Variants in NGLY1 observed in about 807,000 individuals in gnomAD.
NGLY1 encodes the protein N-glycanase 1, also known as peptide-N(4)-(N-acetyl-beta-glucosaminyl)asparagine amidase.
In NGLY1, 68 loss-of-function variants were observed where a neutral mutation model predicts 84.6. That is an observed-to-expected ratio of 0.80 (90% CI 0.66 to 0.98). The LOEUF (loss-of-function observed/expected upper bound fraction) is 0.98, where lower values mean the gene tolerates loss of function less well. NGLY1 is among the 50% of genes least tolerant of loss of function. The pLI is 0.00. For synonymous variants in NGLY1, 280 were observed against 275.2 expected (o/e 1.02, Z -0.17); for missense variants, 779 against 770.2 (o/e 1.01, Z -0.14).
intron 3 of NGLY1, among the ~76,000 whole-genome samples, chr3:25,760,466 T>G (rs1707254825): frequency 6.6e-6 from 1 of 152,204 alleles, no homozygotes; most frequent in African/African-American, 2.4e-5. Flanking sequence ...TGTAATCCCC[T>G]ATCAGAGGGC....
intron 3 of NGLY1, chr3:25,755,086 A>G (rs931362847): frequency 3.7e-5 from 53 of 1,445,926 alleles, no homozygotes; most frequent in Non-Finnish European, 4.4e-5. Context: ...TGGATGATGC[A>G]AAAATTTATT....
At chr3:25,750,984 G>A (rs1575634718) in intron 4 of NGLY1, 114 bp downstream of exon 4, 2 of 1,007,944 alleles carry the variant, frequency 2.0e-6, no homozygotes, top group Non-Finnish European at 2.8e-6. Flanking sequence ...CCACATATAA[G>A]TGGACCCATG....
intron 3 of NGLY1, among the ~76,000 whole-genome samples, chr3:25,756,110 G>C (rs1707020762): frequency 6.6e-6 from 1 of 152,082 alleles, no homozygotes; most frequent in Non-Finnish European, 1.5e-5. Context: ...TCTCAATTTA[G>C]GAAACATTTT....
At chr3:25,774,864 A>C (rs1177128784) in intron 2 of NGLY1, among the ~76,000 whole-genome samples, 2 of 152,142 alleles carry the variant, frequency 1.3e-5, no homozygotes, top group Non-Finnish European at 2.9e-5. Flanking sequence ...TGCAAGTTTC[A>C]TTCTCCCTGT....
intron 2 of NGLY1, among the ~76,000 whole-genome samples, chr3:25,770,035 T>TG (rs1427501212): frequency 1.4e-4 from 21 of 152,098 alleles, no homozygotes; most frequent in African/African-American, 4.6e-4. Context: ...GAACATATAA[T>TG]GTTTGGTTTT....
Position 25,783,353 on chromosome 3 carries a change from G to A in NGLY1, c.38C>T (p.Ala13Val), listed in dbSNP as rs752321437. The change falls in exon 1 of 12, where the codon GCG (alanine) becomes GTG (valine). Residue 13 changes from alanine to valine, a missense_variant. Physicochemically the swap from Ala to Val is moderately conservative, Grantham distance 64 (BLOSUM62 0). Transcript: ENST00000280700. The surrounding 1 kb of genome is among the most constrained non-coding windows in gnomAD (Gnocchi z 4.5). ...AAALGSSSGS[A>V]SPAVAELCQN... The stretch of plus-strand genomic sequence containing the variant: ...GCAGAGCTCAGCCACGGCCGGGGAC[G>A]CCGAGCCTGAGGAGCTGCCCAATGC... 5.1e-6 allele frequency: 8 copies of A among 1,569,288 alleles called. No individual in the cohort carries two copies. In the South Asian group the frequency reaches 8.1e-5, roughly 16 times the overall value.
chr3:25,750,862 T>C (rs1008273303), intron 4 of NGLY1, among the ~76,000 whole-genome samples: 6 of 152,130 alleles, frequency 3.9e-5, no homozygotes, highest in Non-Finnish European at 8.8e-5. Context: ...TATACCAGAA[T>C]CCACACATAC....
chr3:25,746,342 C>A (rs1402592964), intron 4 of NGLY1, among the ~76,000 whole-genome samples: 3 of 152,010 alleles, frequency 2.0e-5, no homozygotes, highest in Non-Finnish European at 4.4e-5. Flanking sequence ...ATTTTCACTA[C>A]TAATCTGCTG....
At chr3:25,788,315 T>C (rs1450287635), upstream of NGLY1, among the ~76,000 whole-genome samples, 1 of 152,228 alleles carries the variant, frequency 6.6e-6, no homozygotes, top group Non-Finnish European at 1.5e-5. Context: ...ATTGGAAAGA[T>C]AGTTTTGAAT....
chr3:25,719,317 T>G lies in NGLY1; in HGVS notation c.*143A>C, dbSNP rs1437197001. 2.4e-5 allele frequency: 13 copies of G among 550,156 alleles called. No homozygotes were observed. The highest frequency in any genetic ancestry group is 3.5e-5 in the Non-Finnish European group (11 of 312,990). 34.1% of individuals were successfully genotyped at this position (550,156 alleles called of 1,614,324 possible). ...ATTATAGTCCACGTATAAAGATAAT[T>G]TTCATGAGGGTTACATGATGGATAG... On this transcript the variant is annotated 3_prime_UTR_variant, in exon 12 of 12. Coordinates refer to ENST00000280700, the MANE Select transcript of NGLY1 (RefSeq NM_018297.4).
intron 10 of NGLY1, among the ~76,000 whole-genome samples, chr3:25,727,595 G>A (rs1360302828): frequency 6.6e-6 from 1 of 152,152 alleles, no homozygotes; most frequent in African/African-American, 2.4e-5. Context: ...ATAGCACTCT[G>A]CATCATGGTT....
chr3:25,722,465 T>A (rs2125447336), intron 10 of NGLY1, among the ~76,000 whole-genome samples: 1 of 152,316 alleles, frequency 6.6e-6, no homozygotes, highest in East Asian at 1.9e-4. Context: ...AATAGTATTC[T>A]AATCACCATC....
chr3:25,732,078 C>T (rs1250836547), intron 9 of NGLY1, among the ~76,000 whole-genome samples: 2 of 152,040 alleles, frequency 1.3e-5, no homozygotes, highest in South Asian at 2.1e-4. Context: ...TTACACTGCA[C>T]TAAAAATTTA....
At chr3:25,768,851 A>G (rs1575656174) in intron 2 of NGLY1, among the ~76,000 whole-genome samples, 1 of 151,884 alleles carries the variant, frequency 6.6e-6, no homozygotes, top group Admixed American at 6.6e-5. Context: ...CTCATGAGTA[A>G]GACTTTAAGA....
intron 10 of NGLY1, among the ~76,000 whole-genome samples, chr3:25,721,748 CAAAAAAAAAAAAAA>C (rs59028606): frequency 2.0e-5 from 1 of 50,704 alleles, no homozygotes; most frequent in African/African-American, 8.8e-5. Flanking sequence ...GACTCCATCT[CAAAAAAAAAAAAAA>C]AAAAAAAAAA....
upstream of NGLY1, among the ~76,000 whole-genome samples, chr3:25,786,916 G>A (rs2125335762): frequency 6.6e-6 from 1 of 152,330 alleles, no homozygotes; most frequent in East Asian, 1.9e-4. Context: ...CATTCATCAT[G>A]TATTTATGAA....
At chr3:25,789,556 A>G (rs1708676833) in intron 1 of NGLY1, among the ~76,000 whole-genome samples, 1 of 152,252 alleles carries the variant, frequency 6.6e-6, no homozygotes, top group African/African-American at 2.4e-5. Context: ...CCTAACAAAT[A>G]GTCGCAACAT....
rs1011961935 is a variant in NGLY1 at position 25,783,142 on chromosome 3, G to A, written c.131+118C>T. ...AGGAGCAGAACCAGCTCCAGGTCCC[G>A]GTCTGTCCGGGCGTCGCTGCCCTCT... On this transcript the variant is annotated intron_variant, in intron 1 of 11. Coordinates refer to ENST00000280700, the MANE Select transcript of NGLY1 (RefSeq NM_018297.4). The surrounding 1 kb of genome is among the most constrained non-coding windows in gnomAD (Gnocchi z 4.5). The A allele has an allele frequency of 4.2e-6, 4 of 942,912 alleles. No individual in the cohort carries two copies. In the Admixed American group the frequency reaches 1.0e-4, roughly 24 times the overall value. 58.4% of individuals were successfully genotyped at this position (942,912 alleles called of 1,614,324 possible).
intron 1 of NGLY1, among the ~76,000 whole-genome samples, chr3:25,779,546 T>C (rs1202316047): frequency 6.6e-6 from 1 of 152,168 alleles, no homozygotes; most frequent in Admixed American, 6.5e-5. Flanking sequence ...TAAGGAGGAT[T>C]CTGAGGCAGT....
Sources: gnomAD v4.1 joint callset for allele counts (sites outside exome capture counted in the v4.1 genomes callset) on GRCh38, gnomAD v4.1.1 for gene constraint, Gnocchi (gnomAD v3.1) non-coding constraint, MANE v1.5 for transcripts, NCBI Gene and HGNC (gene_info 2026-07-23, HGNC 2026-07-21) for gene names.